DLG2: variants seen among roughly 807,000 people sequenced by gnomAD.
DLG2 encodes the protein disks large homolog 2.
A neutral mutation model predicts 132.5 loss-of-function variants in DLG2; 45 were observed. The observed-to-expected ratio is 0.34, with a 90% CI of 0.27 to 0.44. The LOEUF (loss-of-function observed/expected upper bound fraction) is 0.44. Among genes scored for constraint, DLG2 ranks in the 20% least tolerant of loss-of-function variants. DLG2 has a pLI of 1.00. For synonymous variants in DLG2, 424 were observed against 419.6 expected (o/e 1.01, Z -0.13); for missense variants, 1,045 against 1,196.9 (o/e 0.87, Z 1.87).
intron 6 of DLG2, chr11:85,021,641 C>T (rs192473620): frequency 7.4e-6 from 9 of 1,214,076 alleles, no homozygotes; most frequent in South Asian, 1.2e-5. Flanking sequence ...TTGTTGGTAA[C>T]GTTGCTAGCC....
At chr11:85,016,205 C>T (rs548119098) in intron 6 of DLG2, among the ~76,000 whole-genome samples, 1 of 152,168 alleles carries the variant, frequency 6.6e-6, no homozygotes, top group African/African-American at 2.4e-5. Context: ...GTATGTTTCT[C>T]TTTTGCACCT....
chr11:84,754,040 C>T (rs2066529503), intron 6 of DLG2, among the ~76,000 whole-genome samples: 2 of 151,986 alleles, frequency 1.3e-5, no homozygotes, highest in African/African-American at 2.4e-5. Context: ...AAAAGCTTAA[C>T]CAAAGTGGGT....
At chr11:85,129,724 A>G (rs1051394217) in intron 5 of DLG2, among the ~76,000 whole-genome samples, 5 of 152,222 alleles carry the variant, frequency 3.3e-5, no homozygotes, top group African/African-American at 7.2e-5. Context: ...CCAAAAGATT[A>G]TAAATCATTC....
intron 7 of DLG2, among the ~76,000 whole-genome samples, chr11:84,447,495 G>A (rs1192468052): frequency 6.6e-6 from 1 of 152,046 alleles, no homozygotes; most frequent in East Asian, 1.9e-4. Flanking sequence ...CTGCTTCAGT[G>A]TTTTCTCCCC....
At chr11:83,855,643 T>C (rs1031788399) in intron 16 of DLG2, among the ~76,000 whole-genome samples, 1 of 152,216 alleles carries the variant, frequency 6.6e-6, no homozygotes, top group East Asian at 1.9e-4. Flanking sequence ...ACTAATAAAA[T>C]CAGTAGTTGA....
At chr11:84,733,241 G>C (rs573593012) in intron 6 of DLG2, among the ~76,000 whole-genome samples, 1 of 152,266 alleles carries the variant, frequency 6.6e-6, no homozygotes, top group African/African-American at 2.4e-5. Context: ...GGTTGAACTA[G>C]TTTACAGACC....
intron 16 of DLG2, among the ~76,000 whole-genome samples, chr11:83,844,547 C>CATAAA (rs2058253323): frequency 1.4e-5 from 1 of 70,658 alleles, no homozygotes; most frequent in Non-Finnish European, 2.5e-5. Flanking sequence ...GAGTCTGTAT[C>CATAAA]AAAAAAAAAA....
chr11:84,478,993 A>G (rs534751943), intron 7 of DLG2, among the ~76,000 whole-genome samples: 1 of 152,130 alleles, frequency 6.6e-6, no homozygotes, highest in South Asian at 2.1e-4. Flanking sequence ...GTAAAATACT[A>G]CTCCTTTAGT....
intron 7 of DLG2, among the ~76,000 whole-genome samples, chr11:84,286,610 C>T (rs774872701): frequency 5.1e-4 from 78 of 152,296 alleles, no homozygotes; most frequent in Non-Finnish European, 8.2e-4. Flanking sequence ...TTTTAGCATG[C>T]TAATGCACTT....
At chr11:84,918,679 G>A (rs143358231) in intron 6 of DLG2, among the ~76,000 whole-genome samples, 42 of 152,278 alleles carry the variant, frequency 2.8e-4, no homozygotes, top group East Asian at 2.5e-3. Flanking sequence ...ACCTGGCTGA[G>A]CAGATCCAAA....
chr11:84,241,843 G>C (rs1426763330), intron 8 of DLG2, among the ~76,000 whole-genome samples: 1 of 152,160 alleles, frequency 6.6e-6, no homozygotes, highest in Non-Finnish European at 1.5e-5. Flanking sequence ...GTACTTTTAA[G>C]AACAAATTTT....
At chr11:84,829,219 T>G (rs149809394) in intron 6 of DLG2, among the ~76,000 whole-genome samples, 1 of 151,676 alleles carries the variant, frequency 6.6e-6, no homozygotes, top group Admixed American at 6.6e-5. Context: ...CACATAGGAC[T>G]TGACCATGTG....
At chr11:84,705,142 A>T (rs1484133760) in intron 6 of DLG2, among the ~76,000 whole-genome samples, 1 of 151,698 alleles carries the variant, frequency 6.6e-6, no homozygotes. Flanking sequence ...AGTTTAACTA[A>T]CACATGGAAA....
At chr11:85,021,643 T>G in intron 6 of DLG2, 2 of 1,200,766 alleles carry the variant, frequency 1.7e-6, no homozygotes, top group Non-Finnish European at 2.5e-6. Context: ...GTTGGTAACG[T>G]TGCTAGCCAT....
intron 5 of DLG2, among the ~76,000 whole-genome samples, chr11:85,127,276 C>T (rs1317174325): frequency 2.2e-5 from 3 of 136,400 alleles, no homozygotes; most frequent in Admixed American, 1.5e-4. Flanking sequence ...ATCTCTCTCT[C>T]TCTCCCCACA....
At chr11:84,216,870 T>C (rs1416807569) in intron 8 of DLG2, among the ~76,000 whole-genome samples, 1 of 152,178 alleles carries the variant, frequency 6.6e-6, no homozygotes, top group East Asian at 1.9e-4. Context: ...ATAAAGTGTA[T>C]TTGTTTTTCT....
intron 7 of DLG2, among the ~76,000 whole-genome samples, chr11:84,518,345 G>A (rs1425737612): frequency 6.6e-6 from 1 of 151,858 alleles, no homozygotes; most frequent in Non-Finnish European, 1.5e-5. Context: ...AAAGAGAAGA[G>A]GGAAGAAGAA....
chr11:85,425,984 G>T (rs1265863491), intron 3 of DLG2, among the ~76,000 whole-genome samples: 2 of 152,242 alleles, frequency 1.3e-5, no homozygotes, highest in African/African-American at 4.8e-5. Context: ...CATACCAGAA[G>T]ATTACATCCT....
chr11:84,208,630 C>T (rs1422871272), intron 8 of DLG2, among the ~76,000 whole-genome samples: 2 of 151,946 alleles, frequency 1.3e-5, no homozygotes, highest in Non-Finnish European at 2.9e-5. Flanking sequence ...AGGCATGAGC[C>T]ACCACTCCTG....
Sources: allele counts gnomAD v4.1 joint callset (sites outside exome capture counted in the v4.1 genomes callset), GRCh38; gene constraint gnomAD v4.1.1; transcripts MANE v1.5; gene names NCBI Gene and HGNC (gene_info 2026-07-23, HGNC 2026-07-21).